GLRA1: variants seen among roughly 807,000 people sequenced by gnomAD.
The protein encoded by GLRA1 is glycine receptor subunit alpha-1.
A neutral mutation model predicts 48.3 loss-of-function variants in GLRA1; 37 were observed. That is an observed-to-expected ratio of 0.77 (90% CI 0.59 to 1.01). The LOEUF (loss-of-function observed/expected upper bound fraction) is 1.01. Among genes scored for constraint, GLRA1 ranks in the 50% least tolerant of loss-of-function variants. The pLI is 0.00. For synonymous variants in GLRA1, 196 were observed against 210.7 expected (o/e 0.93, Z 0.60); for missense variants, 427 against 571.0 (o/e 0.75, Z 2.57).
chr5:151,886,645 A>G (rs896469487), intron 3 of GLRA1, 76 bp downstream of exon 3: 5 of 1,093,108 alleles, frequency 4.6e-6, no homozygotes, highest in African/African-American at 1.5e-5. Context: ...CTTGGTGGAG[A>G]CCAATGCAGA....
chr5:151,883,137 T>G (rs1753799557), intron 3 of GLRA1, among the ~76,000 whole-genome samples: 1 of 152,184 alleles, frequency 6.6e-6, no homozygotes, highest in East Asian at 1.9e-4. Flanking sequence ...GGGAGAAAAC[T>G]ATGTCATTTG....
chr5:151,880,745 G>C (rs1193475346), intron 3 of GLRA1, among the ~76,000 whole-genome samples: 5 of 152,164 alleles, frequency 3.3e-5, no homozygotes, highest in African/African-American at 1.2e-4. Flanking sequence ...TTATTCACTT[G>C]TATTCATATG....
chr5:151,837,831 G>T (rs1466905798), intron 7 of GLRA1, among the ~76,000 whole-genome samples: 2 of 152,110 alleles, frequency 1.3e-5, no homozygotes, highest in African/African-American at 4.8e-5. Context: ...GCTAGGGGAG[G>T]GATAGCATTA....
chr5:151,835,755 C>G (rs140593193), intron 7 of GLRA1, among the ~76,000 whole-genome samples: 1 of 152,062 alleles, frequency 6.6e-6, no homozygotes, highest in Non-Finnish European at 1.5e-5. Context: ...GATAAAATTC[C>G]ACACCCCTTC....
intron 8 of GLRA1, 98 bp downstream of exon 8, chr5:151,828,823 G>A: frequency 8.0e-7 from 1 of 1,249,488 alleles, no homozygotes; most frequent in Non-Finnish European, 1.1e-6. Context: ...ACATTGAGAA[G>A]GATGGACCAT....
At chr5:151,886,120 A>G (rs1229747589) in intron 3 of GLRA1, among the ~76,000 whole-genome samples, 1 of 152,242 alleles carries the variant, frequency 6.6e-6, no homozygotes, top group Admixed American at 6.5e-5. Flanking sequence ...ACACTTATTC[A>G]TAATTACTAA....
chr5:151,853,687 T>C (rs1209625373), intron 6 of GLRA1, among the ~76,000 whole-genome samples: 2 of 152,212 alleles, frequency 1.3e-5, no homozygotes, highest in Non-Finnish European at 2.9e-5. Context: ...GATAGTGTCT[T>C]TTGATGCACT....
chr5:151,883,738 G>A (rs569968048), intron 3 of GLRA1, among the ~76,000 whole-genome samples: 20 of 152,344 alleles, frequency 1.3e-4, no homozygotes, highest in African/African-American at 4.6e-4. Context: ...CAGGCCACAA[G>A]GTGGATGCTA....
rs1327788589 is a variant in GLRA1, at chr5:151,869,875, A to T, written c.253-9867T>A. Among the ~76,000 whole-genome samples the T allele has an allele frequency of 2.7e-5, 4 of 149,836 alleles. 1 individual carries two copies. The highest frequency in any genetic ancestry group is 1.0e-4 in the African/African-American group (4 of 39,210). On this transcript the variant is annotated intron_variant, in intron 3 of 8. Coordinates refer to ENST00000274576, the MANE Select transcript of GLRA1 (RefSeq NM_000171.4). ...GTTTCTTGCCCAAGATCACATAGCT[A>T]GTAGGTGCTAGGAACAGAGATATGA...
intron 7 of GLRA1, among the ~76,000 whole-genome samples, chr5:151,841,518 T>A (rs575136596): frequency 6.6e-6 from 1 of 152,018 alleles, no homozygotes; most frequent in East Asian, 1.9e-4. Flanking sequence ...AGAAAAATAA[T>A]AGAGAAAATC....
chr5:151,898,774 T>C (rs567544973), intron 1 of GLRA1, among the ~76,000 whole-genome samples: 8 of 152,166 alleles, frequency 5.3e-5, no homozygotes, highest in African/African-American at 1.7e-4. Context: ...ACGAAGGAGT[T>C]TGAGGCACAG....
In GLRA1 at chr5:151,924,812, T is replaced by C; in HGVS notation, c.-263A>G. On this transcript the variant is annotated 5_prime_UTR_variant, in exon 1 of 9. Coordinates refer to ENST00000274576, the MANE Select transcript of GLRA1 (RefSeq NM_000171.4). ...TCAGGAGCGCGAAGAGTATTGCTGT[T>C]TGTTAAACTCCAGCGTGTCTGTTGG... 1.7e-6 allele frequency: 1 copy of C among 574,268 alleles called. No homozygotes were observed. Among genetic ancestry groups the C allele is most frequent in the Non-Finnish European group, 3.1e-6 (1 of 321,334 alleles). 35.6% of individuals were successfully genotyped at this position (574,268 alleles called of 1,614,324 possible).
At position 151,877,791 on chromosome 5, in the gene GLRA1, T is replaced by C. The variant is rs537586902; in HGVS notation, c.252+8930A>G. On this transcript the variant is annotated intron_variant, in intron 3 of 8. Transcript: ENST00000274576. ...GAGACATGCCTTTCACTTTCTGCCATGATTGTGAGGCCTCCCCAGCCACAT... is the reference window on the plus strand; with the variant it reads ...GAGACATGCCTTTCACTTTCTGCCACGATTGTGAGGCCTCCCCAGCCACAT... Among the ~76,000 whole-genome samples, 3 of 152,348 alleles carry C rather than the reference T, an allele frequency of 2.0e-5. No individual in the cohort carries two copies. The South Asian group carries it at 6.2e-4, about 32-fold the overall frequency.
chr5:151,826,775 G>A (rs1218167046), intron 8 of GLRA1, among the ~76,000 whole-genome samples: 3 of 152,202 alleles, frequency 2.0e-5, no homozygotes, highest in African/African-American at 4.8e-5. Flanking sequence ...AGTACCATAG[G>A]CCCACCATAC....
chr5:151,904,776 C>G (rs1754439729), intron 1 of GLRA1, among the ~76,000 whole-genome samples: 2 of 152,304 alleles, frequency 1.3e-5, no homozygotes, highest in East Asian at 3.9e-4. Context: ...ACAGTGCTCA[C>G]TTTGGTGTGT....
chr5:151,869,543 G>A (rs545567094), intron 3 of GLRA1, among the ~76,000 whole-genome samples: 203 of 151,180 alleles, frequency 1.3e-3, no homozygotes, highest in African/African-American at 4.4e-3. Flanking sequence ...GCGAAACCCC[G>A]TCTCTACTAA....
Position 151,924,839 on chromosome 5 carries a change from T to G in GLRA1, c.-290A>C. On this transcript the variant is annotated 5_prime_UTR_variant, in exon 1 of 9. Transcript: ENST00000274576. ...GTTAAACTCCAGCGTGTCTGTTGGC[T>G]CCCTGCGGCGCTGGGGAGGCACGTT... The G allele has an allele frequency of 2.1e-6, 1 of 479,660 alleles. No homozygotes were observed. 29.7% of individuals were successfully genotyped at this position (479,660 alleles called of 1,614,324 possible). A position where few individuals can be genotyped will look rare whatever the true frequency, so the allele number is the denominator to read the frequency against.
chr5:151,883,350 C>T lies in GLRA1; in HGVS notation c.252+3371G>A, dbSNP rs190030074. Among the ~76,000 whole-genome samples, 90 of 152,270 alleles carry T rather than the reference C, an allele frequency of 5.9e-4. 1 individual carries two copies. The highest frequency in any genetic ancestry group is 2.0e-3 in the African/African-American group (85 of 41,546). On this transcript the variant is annotated intron_variant, in intron 3 of 8. Transcript: ENST00000274576. Reference sequence around the variant, plus strand: ...TTTGATGCACTTAGACTGTTGCTTACGTGTACTTTGTAGGTCCTGGTCCTC... The same window carrying T: ...TTTGATGCACTTAGACTGTTGCTTATGTGTACTTTGTAGGTCCTGGTCCTC...
chr5:151,856,860 C>T (rs539178655), intron 4 of GLRA1, among the ~76,000 whole-genome samples: 15 of 152,316 alleles, frequency 9.8e-5, no homozygotes, highest in Admixed American at 9.2e-4. Context: ...CTGCAAATTA[C>T]ATACACACAC....
Sources: allele counts gnomAD v4.1 joint callset (sites outside exome capture counted in the v4.1 genomes callset), GRCh38; gene constraint gnomAD v4.1.1; transcripts MANE v1.5; gene names NCBI Gene and HGNC (gene_info 2026-07-23, HGNC 2026-07-21).